Variants in EPB41L2 observed in about 807,000 individuals in gnomAD.
The protein encoded by EPB41L2 is band 4.1-like protein 2.
In EPB41L2, 43 loss-of-function variants were observed where a neutral mutation model predicts 113.0. That is an observed-to-expected ratio of 0.38 (90% CI 0.30 to 0.49). The LOEUF is 0.49. Among genes scored for constraint, EPB41L2 ranks in the 20% least tolerant of loss-of-function variants. The pLI, the probability that EPB41L2 is intolerant of heterozygous loss-of-function variation, is 0.95. For missense variants in EPB41L2, 1,147 were observed against 1,223.4 expected, an observed-to-expected ratio of 0.94 and a Z score of 0.93; for synonymous variants, 442 against 436.7, an observed-to-expected ratio of 1.01 and a Z score of -0.15.
intron 10 of EPB41L2, among the ~76,000 whole-genome samples, chr6:130,892,442 A>T: frequency 1.0e-5 from 1 of 98,018 alleles, no homozygotes; most frequent in Non-Finnish European, 2.5e-5. Context: ...TGACAGGGAA[A>T]GCTGTTGTCT....
intron 1 of EPB41L2, among the ~76,000 whole-genome samples, chr6:131,001,603 G>A (rs1784394103): frequency 6.6e-6 from 1 of 152,014 alleles, no homozygotes; most frequent in South Asian, 2.1e-4. Flanking sequence ...CCCACCCCAT[G>A]CGTTTGAAAA....
intron 1 of EPB41L2, among the ~76,000 whole-genome samples, chr6:131,008,509 G>A (rs1258347441): frequency 6.6e-6 from 1 of 152,224 alleles, no homozygotes; most frequent in African/African-American, 2.4e-5. Context: ...AGTCCCCTCT[G>A]GGGCACTGCA....
intron 1 of EPB41L2, among the ~76,000 whole-genome samples, chr6:130,999,525 A>G (rs910067094): frequency 2.0e-5 from 3 of 152,230 alleles, no homozygotes; most frequent in Admixed American, 6.5e-5. Flanking sequence ...TGTAGTAAGA[A>G]ATCTCATGTC....
At chr6:131,023,099 G>A (rs1177261152) in intron 1 of EPB41L2, among the ~76,000 whole-genome samples, 2 of 152,078 alleles carry the variant, frequency 1.3e-5, no homozygotes, top group East Asian at 1.9e-4. Flanking sequence ...AAAAAACTAC[G>A]TTAGATAAGT....
Position 130,901,174 on chromosome 6 carries a change from G to T in EPB41L2, c.936C>A (p.Phe312Leu), listed in dbSNP as rs1481811678. Reference protein sequence around the residue: ...SQLTEDITRYFLCLQLRQDIA... With the variant: ...SQLTEDITRYLLCLQLRQDIA... Reference sequence around the variant, plus strand: ...TGTCCTGCCGGAGCTGAAGGCACAAGAAGTATCTGTGAGGAGCAGAGGGAG... The same window carrying T: ...TGTCCTGCCGGAGCTGAAGGCACAATAAGTATCTGTGAGGAGCAGAGGGAG... The change falls in exon 7 of 20, where the codon TTC becomes TTA. Residue 312 changes from phenylalanine to leucine, a missense_variant. Coordinates refer to ENST00000337057, the MANE Select transcript of EPB41L2 (RefSeq NM_001431.4). 6.2e-7 allele frequency: 1 copy of T among 1,613,278 alleles called. No homozygotes were observed. Among genetic ancestry groups the T allele is most frequent in the East Asian group, 2.2e-5 (1 of 44,886 alleles).
At chr6:130,958,332 A>G (rs908476123) in intron 1 of EPB41L2, among the ~76,000 whole-genome samples, 2 of 151,970 alleles carry the variant, frequency 1.3e-5, no homozygotes, top group African/African-American at 4.8e-5. Flanking sequence ...CGTCTCTGTA[A>G]TCCCAGCTAC....
intron 1 of EPB41L2, among the ~76,000 whole-genome samples, chr6:130,982,097 C>T (rs1409407460): frequency 6.8e-6 from 1 of 148,010 alleles, no homozygotes; most frequent in East Asian, 2.0e-4. Flanking sequence ...TTTATGACAG[C>T]TAAGAATTAA....
chr6:130,919,722 C>A (rs1365058596), intron 4 of EPB41L2, among the ~76,000 whole-genome samples: 1 of 152,132 alleles, frequency 6.6e-6, no homozygotes, highest in African/African-American at 2.4e-5. Context: ...AACTGAGAAC[C>A]CTGCTAATAC....
At chr6:130,942,772 C>T (rs1454243709) in intron 3 of EPB41L2, among the ~76,000 whole-genome samples, 3 of 152,152 alleles carry the variant, frequency 2.0e-5, no homozygotes, top group African/African-American at 4.8e-5. Context: ...ACCTGACAGG[C>T]CCTGGTGTGT....
At chr6:130,943,596 A>G (rs915961610) in intron 3 of EPB41L2, among the ~76,000 whole-genome samples, 3 of 152,246 alleles carry the variant, frequency 2.0e-5, no homozygotes, top group African/African-American at 7.2e-5. Context: ...GGCTGCTCAC[A>G]GTTAGAAATT....
In EPB41L2 at chr6:130,878,263, A is replaced by G. The variant is rs767002501; in HGVS notation, c.1897-13T>C. ...CCTTATCCAGTTCCTAGCAATATGT[A>G]ACGTAACAAAGGGGGGAAAAATCCA... On this transcript the variant is annotated splice_polypyrimidine_tract_variant and intron_variant, in intron 13 of 19. Coordinates refer to ENST00000337057, the MANE Select transcript of EPB41L2 (RefSeq NM_001431.4). 2 of 1,594,168 alleles carry G rather than the reference A, an allele frequency of 1.3e-6. No homozygotes were observed. The highest frequency in any genetic ancestry group is 2.3e-5 in the East Asian group (1 of 43,572).
At chr6:130,852,722 G>A (rs562598839) in intron 19 of EPB41L2, among the ~76,000 whole-genome samples, 1 of 152,112 alleles carries the variant, frequency 6.6e-6, no homozygotes, top group Non-Finnish European at 1.5e-5. Flanking sequence ...TCACTTTCAG[G>A]ATAGTTTAGC....
chr6:130,987,786 T>C (rs1004351456), intron 1 of EPB41L2, among the ~76,000 whole-genome samples: 4 of 151,872 alleles, frequency 2.6e-5, no homozygotes, highest in African/African-American at 4.8e-5. Flanking sequence ...AGGTAGTCAG[T>C]AGAAACAGGG....
chr6:130,888,123 T>C (rs895267964), intron 11 of EPB41L2, among the ~76,000 whole-genome samples: 14 of 152,196 alleles, frequency 9.2e-5, no homozygotes, highest in Non-Finnish European at 1.8e-4. Flanking sequence ...ACATGAAGAC[T>C]ACAACAACAA....
intron 18 of EPB41L2, among the ~76,000 whole-genome samples, chr6:130,859,108 T>C (rs1261197396): frequency 6.6e-6 from 1 of 152,220 alleles, no homozygotes; most frequent in Non-Finnish European, 1.5e-5. Context: ...AAGAGTGTTG[T>C]GGCACAATGG....
chr6:130,901,027 G>A lies in EPB41L2; in HGVS notation c.1083C>T (p.Phe361=), dbSNP rs1796131852. 4.3e-6 allele frequency: 7 copies of A among 1,614,014 alleles called. No homozygotes were observed. Among genetic ancestry groups the A allele is most frequent in the Non-Finnish European group, 5.9e-6 (7 of 1,180,024 alleles). The change falls in exon 7 of 20, where the codon TTC becomes TTT. Residue 361 remains phenylalanine, a synonymous_variant. Transcript: ENST00000337057. The part of the protein sequence containing the change: ...EEHGSIDLSE[F]QFAPTQTKEL... ...CCTTAGTCTGAGTAGGGGCAAACTGGAATTCACTGAGGTCGATGCTGCCAT... is the reference window on the plus strand; with the variant it reads ...CCTTAGTCTGAGTAGGGGCAAACTGAAATTCACTGAGGTCGATGCTGCCAT...
chr6:130,982,408 T>A (rs1779576020), intron 1 of EPB41L2, among the ~76,000 whole-genome samples: 1 of 152,182 alleles, frequency 6.6e-6, no homozygotes, highest in African/African-American at 2.4e-5. Flanking sequence ...TAACCACAAG[T>A]GTCAGATATT....
At chr6:130,921,459 T>A (rs1423977275) in intron 4 of EPB41L2, among the ~76,000 whole-genome samples, 2 of 152,192 alleles carry the variant, frequency 1.3e-5, no homozygotes, top group Admixed American at 6.6e-5. Context: ...CCCTGCCAGC[T>A]TGCCTACCCC....
At chr6:130,902,786 G>A (rs1796654981) in intron 6 of EPB41L2, among the ~76,000 whole-genome samples, 1 of 152,076 alleles carries the variant, frequency 6.6e-6, no homozygotes, top group African/African-American at 2.4e-5. Flanking sequence ...CAAAGCCTAA[G>A]TCTAAATCCT....
Sources: allele counts gnomAD v4.1 joint callset (sites outside exome capture counted in the v4.1 genomes callset), GRCh38; gene constraint gnomAD v4.1.1; transcripts MANE v1.5; gene names NCBI Gene and HGNC (gene_info 2026-07-23, HGNC 2026-07-21).